DHRSX: variants seen among roughly 807,000 people sequenced by gnomAD.
DHRSX encodes dehydrogenase/reductase X-linked, also known as polyprenol dehydrogenase.
DHRSX carries 31 observed loss-of-function variants against 34.0 expected under a neutral mutation model. That is an observed-to-expected ratio of 0.91 (90% CI 0.69 to 1.23). DHRSX has a LOEUF of 1.23. Among genes scored for constraint, DHRSX ranks in the 50% most tolerant of loss-of-function variants. DHRSX has a pLI of 0.00. For missense variants in DHRSX, 414 were observed against 428.1 expected, an observed-to-expected ratio of 0.97 and a Z score of 0.29; for synonymous variants, 201 against 183.8, an observed-to-expected ratio of 1.09 and a Z score of -0.76.
intron 4 of DHRSX, among the ~76,000 whole-genome samples, chrX:2,275,964 C>G (rs1280880833): frequency 6.6e-6 from 1 of 152,174 alleles, no homozygotes; most frequent in Non-Finnish European, 1.5e-5. Flanking sequence ...CTGCCTCAGG[C>G]TCCTGAGTAG....
At chrX:2,426,125 G>A (rs191511750) in intron 1 of DHRSX, among the ~76,000 whole-genome samples, 10 of 152,156 alleles carry the variant, frequency 6.6e-5, no homozygotes, top group South Asian at 4.2e-4. Flanking sequence ...CTGGGGATTC[G>A]CTAGCTATGG....
chrX:2,436,257 A>C (rs1349803011), intron 1 of DHRSX, among the ~76,000 whole-genome samples: 1 of 151,668 alleles, frequency 6.6e-6, no homozygotes, highest in Non-Finnish European at 1.5e-5. Context: ...AATAAAAACT[A>C]TGTGTTTTAT....
chrX:2,345,170 C>G (rs2042689194), intron 3 of DHRSX, among the ~76,000 whole-genome samples: 1 of 151,706 alleles, frequency 6.6e-6, no homozygotes, highest in South Asian at 2.1e-4. Flanking sequence ...TCTGAGGCAC[C>G]CTTGATCCTT....
At position 2,407,522 on chromosome X, in the gene DHRSX, T is replaced by C. The variant is rs1209415901; in HGVS notation, c.286+1223A>G. 2.0e-5 allele frequency among the ~76,000 whole-genome samples: 3 copies of C among 152,202 alleles called. No homozygotes were observed. The East Asian group carries it at 5.8e-4, about 29-fold the overall frequency. ...GGTTCTGAGGCCTAAGCAAACTAAC[T>C]TATCTAGATCAGTTTCTTTACATCC... On this transcript the variant is annotated intron_variant, in intron 3 of 6. Coordinates refer to ENST00000334651, the MANE Select transcript of DHRSX (RefSeq NM_145177.3).
intron 6 of DHRSX, among the ~76,000 whole-genome samples, chrX:2,234,613 C>G (rs2015971942): frequency 6.6e-6 from 1 of 152,260 alleles, no homozygotes; most frequent in Non-Finnish European, 1.5e-5. Flanking sequence ...ATAGTATATA[C>G]ACACCATGGA....
chrX:2,402,741 A>G (rs2043501970), intron 3 of DHRSX, among the ~76,000 whole-genome samples: 2 of 152,136 alleles, frequency 1.3e-5, no homozygotes, highest in Non-Finnish European at 2.9e-5. Flanking sequence ...TAGTAGGTGT[A>G]TATATTTATG....
intron 1 of DHRSX, among the ~76,000 whole-genome samples, chrX:2,449,576 C>G (rs1204005050): frequency 1.3e-5 from 2 of 152,232 alleles, no homozygotes; most frequent in Middle Eastern, 3.4e-3. Flanking sequence ...CTCACTGCAG[C>G]CTCAACCTCC....
chrX:2,341,582 C>A (rs1192119084), intron 3 of DHRSX, among the ~76,000 whole-genome samples: 1 of 148,792 alleles, frequency 6.7e-6, no homozygotes, highest in East Asian at 2.0e-4. Flanking sequence ...TCTCCAGATC[C>A]TTTTTTACAT....
chrX:2,322,405 TG>T (rs2042322563), intron 3 of DHRSX, among the ~76,000 whole-genome samples: 1 of 151,528 alleles, frequency 6.6e-6, no homozygotes, highest in Admixed American at 6.6e-5. Flanking sequence ...AAAAATTAGC[TG>T]GGCGTGGTGG....
chrX:2,243,540 G>A (rs1029317068), intron 5 of DHRSX, among the ~76,000 whole-genome samples: 4 of 151,878 alleles, frequency 2.6e-5, no homozygotes, highest in African/African-American at 9.7e-5. Flanking sequence ...AGGCTGGAGT[G>A]CAGTGGTGCA....
rs746494237 is a variant in DHRSX, at chrX:2,401,995, G to A, written c.286+6750C>T. Among the ~76,000 whole-genome samples, 4 of 152,258 alleles carry A rather than the reference G, an allele frequency of 2.6e-5. No individual in the cohort carries two copies. The South Asian group carries it at 8.3e-4, about 32-fold the overall frequency. On this transcript the variant is annotated intron_variant, in intron 3 of 6. Transcript: ENST00000334651. Reference sequence around the variant, plus strand: ...CCAGCGTGGGATCTCAGAGGAGCACGACTTCAAAGACAGAAAGTACAACAA... The same window carrying A: ...CCAGCGTGGGATCTCAGAGGAGCACAACTTCAAAGACAGAAAGTACAACAA...
intron 3 of DHRSX, among the ~76,000 whole-genome samples, chrX:2,382,866 A>C (rs1223938174): frequency 6.9e-6 from 1 of 144,212 alleles, no homozygotes; most frequent in Non-Finnish European, 1.5e-5. Flanking sequence ...CATCATCATC[A>C]CTATCATCAT....
At chrX:2,450,319 C>A (rs1424578910) in intron 1 of DHRSX, among the ~76,000 whole-genome samples, 1 of 151,976 alleles carries the variant, frequency 6.6e-6, no homozygotes, top group Non-Finnish European at 1.5e-5. Flanking sequence ...TTTCTTGACA[C>A]AACATTTATA....
intron 4 of DHRSX, among the ~76,000 whole-genome samples, chrX:2,285,822 G>A (rs1243950198): frequency 6.6e-6 from 1 of 152,190 alleles, no homozygotes; most frequent in Non-Finnish European, 1.5e-5. Context: ...GAATTCTGAT[G>A]CACAAACCAA....
chrX:2,448,456 A>G, intron 1 of DHRSX, among the ~76,000 whole-genome samples: 1 of 152,068 alleles, frequency 6.6e-6, no homozygotes, highest in Non-Finnish European at 1.5e-5. Context: ...GACTAAAAGT[A>G]GATTTTACAT....
At chrX:2,273,938 T>C (rs1439191942) in intron 4 of DHRSX, among the ~76,000 whole-genome samples, 1 of 152,220 alleles carries the variant, frequency 6.6e-6, no homozygotes, top group Admixed American at 6.5e-5. Flanking sequence ...TGAGAATTCC[T>C]GCGCCGTGGT....
chrX:2,251,882 A>G (rs1175940694), intron 5 of DHRSX, among the ~76,000 whole-genome samples: 2 of 151,924 alleles, frequency 1.3e-5, no homozygotes, highest in Non-Finnish European at 2.9e-5. Context: ...ATCAAAACAT[A>G]ACTTTTTGGG....
At chrX:2,294,068 GAGAA>G (rs2041900100) in intron 3 of DHRSX, among the ~76,000 whole-genome samples, 1 of 151,540 alleles carries the variant, frequency 6.6e-6, no homozygotes, top group Non-Finnish European at 1.5e-5. Context: ...CAGAGAGAGA[GAGAA>G]AGAGAGAAAG....
intron 1 of DHRSX, chrX:2,486,985 C>G (rs1027306323): frequency 3.5e-4 from 53 of 152,316 alleles, no homozygotes; most frequent in Admixed American, 9.8e-4. Context: ...GTGGGGTCAT[C>G]CCTCCTAGAC....
Sources: allele counts gnomAD v4.1 joint callset (sites outside exome capture counted in the v4.1 genomes callset), GRCh38; gene constraint gnomAD v4.1.1; transcripts MANE v1.5; gene names NCBI Gene and HGNC (gene_info 2026-07-23, HGNC 2026-07-21).